BIRC6: variants seen among roughly 807,000 people sequenced by gnomAD.
The protein encoded by BIRC6 is baculoviral IAP repeat containing 6.
BIRC6 carries 98 observed loss-of-function variants against 503.3 expected under a neutral mutation model. The observed-to-expected ratio is 0.19, with a 90% CI of 0.17 to 0.23. BIRC6 has a LOEUF of 0.23. Among genes scored for constraint, BIRC6 ranks in the 10% least tolerant of loss-of-function variants. BIRC6 has a pLI of 1.00. For synonymous variants in BIRC6, 2,240 were observed against 2,078.7 expected (o/e 1.08, Z -2.11); for missense variants, 5,360 against 5,806.0 (o/e 0.92, Z 2.50).
At chr2:32,476,594 G>A (rs991936529) in intron 34 of BIRC6, among the ~76,000 whole-genome samples, 2 of 152,096 alleles carry the variant, frequency 1.3e-5, no homozygotes, top group Non-Finnish European at 2.9e-5. Context: ...ATAGTGGAAT[G>A]TATAGTTTTG....
chr2:32,394,302 A>G (rs1423642003), intron 5 of BIRC6, among the ~76,000 whole-genome samples: 1 of 152,036 alleles, frequency 6.6e-6, no homozygotes, highest in Non-Finnish European at 1.5e-5. Flanking sequence ...GTAAATTTGC[A>G]TCTATAACGT....
chr2:32,475,832 T>G (rs2149089646), intron 33 of BIRC6, among the ~76,000 whole-genome samples: 1 of 152,272 alleles, frequency 6.6e-6, no homozygotes, highest in Non-Finnish European at 1.5e-5. Flanking sequence ...AAATGTGTAC[T>G]ACTCTTGAGA....
At chr2:32,499,394 G>T (rs2052878242) in intron 45 of BIRC6, among the ~76,000 whole-genome samples, 153 bp from the exon 46 acceptor site, 1 of 152,196 alleles carries the variant, frequency 6.6e-6, no homozygotes, top group South Asian at 2.1e-4. Flanking sequence ...GCTACCTAAT[G>T]AAATAGTGAA....
intron 66 of BIRC6, among the ~76,000 whole-genome samples, chr2:32,591,479 A>AATC (rs2061377771): frequency 6.6e-6 from 1 of 152,054 alleles, no homozygotes; most frequent in Non-Finnish European, 1.5e-5. Context: ...CTTGAGATTT[A>AATC]GAATCAGTAG....
intron 5 of BIRC6, among the ~76,000 whole-genome samples, chr2:32,394,447 T>C (rs1259961131): frequency 6.6e-6 from 1 of 152,142 alleles, no homozygotes; most frequent in Non-Finnish European, 1.5e-5. Context: ...GTTGTATGAA[T>C]TAGATTCCAT....
intron 20 of BIRC6, among the ~76,000 whole-genome samples, chr2:32,444,390 CAA>C (rs2045745792): frequency 6.6e-6 from 1 of 151,836 alleles, no homozygotes; most frequent in African/African-American, 2.4e-5. Flanking sequence ...TATTATGTAT[CAA>C]AAAAGAATGA....
At chr2:32,383,133 A>G (rs6760040) in intron 3 of BIRC6, among the ~76,000 whole-genome samples, 95,363 of 149,540 alleles carry the variant, frequency 0.64, 30,137 homozygotes, top group East Asian at 0.73. Context: ...TGCAAGTTCC[A>G]CCTCCTGGGT....
At chr2:32,549,554 G>A (rs765796347) in intron 65 of BIRC6, 73 bp downstream of exon 65, 107 of 1,213,306 alleles carry the variant, frequency 8.8e-5, no homozygotes, top group Non-Finnish European at 1.1e-4. Context: ...CTAATAGTAA[G>A]TTTCAGTTGA....
intron 61 of BIRC6, among the ~76,000 whole-genome samples, chr2:32,542,651 T>A (rs2057758324): frequency 6.6e-6 from 1 of 152,152 alleles, no homozygotes. Context: ...GATCAAAAGT[T>A]TGGTGAGAAA....
chr2:32,442,552 GTATGTA>G, intron 19 of BIRC6, 97 bp downstream of exon 19: 1 of 1,292,478 alleles, frequency 7.7e-7, no homozygotes, highest in Non-Finnish European at 1.0e-6. Context: ...CTTGTTTAAT[GTATGTA>G]TAATTTAAGA....
chr2:32,574,945 T>C, intron 65 of BIRC6: 1 of 571,508 alleles, frequency 1.7e-6, no homozygotes, highest in Non-Finnish European at 3.1e-6. Flanking sequence ...ACAGGGTTTC[T>C]ACATGTTGGT....
chr2:32,490,006 C>A, intron 42 of BIRC6, 35 bp from the exon 43 acceptor site: 1 of 1,416,416 alleles, frequency 7.1e-7, no homozygotes, highest in Non-Finnish European at 9.9e-7. Flanking sequence ...CATTGTTTTT[C>A]TGAAAAATAT....
chr2:32,493,783 G>A, intron 45 of BIRC6, 116 bp downstream of exon 45: 2 of 764,582 alleles, frequency 2.6e-6, no homozygotes, highest in Non-Finnish European at 4.1e-6. Context: ...CAGGAGGACG[G>A]TAGTAATTAA....
intron 65 of BIRC6, among the ~76,000 whole-genome samples, chr2:32,573,474 G>T (rs1243275303): frequency 1.3e-5 from 2 of 152,146 alleles, no homozygotes; most frequent in African/African-American, 4.8e-5. Context: ...GAAATTGCAG[G>T]TGTGAGTCAC....
rs1558924586 is a variant in BIRC6, at chr2:32,508,248, A to G, written c.9969A>G (p.Val3323=). The change falls in exon 51 of 74, where the codon GTA becomes GTG. Residue 3323 remains valine, a synonymous_variant. Coordinates refer to ENST00000421745, the MANE Select transcript of BIRC6 (RefSeq NM_016252.4). ...NNPFLPSEDQ[V]SKTSIGWLRL... Reference sequence around the variant, plus strand: ...CATTCCTTCCATCTGAAGATCAGGTATCCAAAACAAGGTATGTTTTGTTTG... The same window carrying G: ...CATTCCTTCCATCTGAAGATCAGGTGTCCAAAACAAGGTATGTTTTGTTTG... The G allele has an allele frequency of 4.0e-6, 6 of 1,489,926 alleles. No individual in the cohort carries two copies. Among genetic ancestry groups the G allele is most frequent in the Non-Finnish European group, 5.5e-6 (6 of 1,099,070 alleles). 92.3% of individuals were successfully genotyped at this position (1,489,926 alleles called of 1,614,324 possible).
chr2:32,385,297 G>T (rs2149472971), intron 3 of BIRC6, among the ~76,000 whole-genome samples: 1 of 152,322 alleles, frequency 6.6e-6, no homozygotes, highest in South Asian at 2.1e-4. Context: ...AGACATTATA[G>T]TGGGAGTAGG....
intron 65 of BIRC6, among the ~76,000 whole-genome samples, chr2:32,572,520 C>T (rs951125229): frequency 6.6e-6 from 1 of 152,152 alleles, no homozygotes; most frequent in African/African-American, 2.4e-5. Context: ...GTTGGCTATA[C>T]CTGTTTGCGC....
In BIRC6 at chr2:32,473,097, T is replaced by A; in HGVS notation, c.6593-15T>A. The A allele has an allele frequency of 6.5e-7, 1 of 1,549,912 alleles. No homozygotes were observed. The highest frequency in any genetic ancestry group is 8.7e-7 in the Non-Finnish European group (1 of 1,149,018). ...TTTAACAGAATTATTAATACAAGTTTTCCTTCGCCTGTAGGTAATCAGTGG... is the reference window on the plus strand; with the variant it reads ...TTTAACAGAATTATTAATACAAGTTATCCTTCGCCTGTAGGTAATCAGTGG... On this transcript the variant is annotated splice_polypyrimidine_tract_variant and intron_variant, in intron 32 of 73. Transcript: ENST00000421745.
intron 10 of BIRC6, among the ~76,000 whole-genome samples, chr2:32,421,131 A>G (rs2042911585): frequency 7.4e-6 from 1 of 134,426 alleles, no homozygotes; most frequent in South Asian, 2.3e-4. Context: ...TTTTTTTGAC[A>G]CAGAGTTTCA....
Sources: allele counts gnomAD v4.1 joint callset (sites outside exome capture counted in the v4.1 genomes callset), GRCh38; gene constraint gnomAD v4.1.1; transcripts MANE v1.5; gene names NCBI Gene and HGNC (gene_info 2026-07-23, HGNC 2026-07-21).